POFUT3: variants seen among roughly 807,000 people sequenced by gnomAD.
The protein encoded by POFUT3 is protein O-fucosyltransferase 3, also known as GDP-fucose protein O-fucosyltransferase 3.
chr8:33,440,327 A>G, the POFUT3 span, among the ~76,000 whole-genome samples: 4 of 151,996 alleles, frequency 2.6e-5, no homozygotes, highest in East Asian at 1.9e-4. Flanking sequence ...ATGTCACAGC[A>G]CTCCAGTCTG....
At chr8:33,419,580 C>T in the POFUT3 span, among the ~76,000 whole-genome samples, 1 of 152,312 alleles carries the variant, frequency 6.6e-6, no homozygotes, top group African/African-American at 2.4e-5. Context: ...AGGCCACGGA[C>T]AGGCCCTGAC....
At chr8:33,313,399 G>A in the POFUT3 span, among the ~76,000 whole-genome samples, 3 of 152,100 alleles carry the variant, frequency 2.0e-5, no homozygotes, top group African/African-American at 7.2e-5. Flanking sequence ...ATTTCCATGA[G>A]GCAGCTTCTT....
chr8:33,438,423 T>A, the POFUT3 span, among the ~76,000 whole-genome samples: 1 of 151,974 alleles, frequency 6.6e-6, no homozygotes, highest in African/African-American at 2.4e-5. Flanking sequence ...ACAAAAAAAA[T>A]TAAAAATTAG....
chr8:33,379,979 TCTATATATATAGTATATATATATA>T, the POFUT3 span, among the ~76,000 whole-genome samples: 1 of 89,724 alleles, frequency 1.1e-5, no homozygotes, highest in Non-Finnish European at 2.0e-5. Context: ...ATATATACAC[TCTATATATATAGTATATATATATA>T]CTATATATAT....
chr8:33,453,420 G>A, the POFUT3 span: 2 of 1,613,690 alleles, frequency 1.2e-6, no homozygotes, highest in Non-Finnish European at 1.7e-6. Flanking sequence ...GAATTAAGAT[G>A]CGTAGGTGCT....
At chr8:33,388,093 A>G in the POFUT3 span, among the ~76,000 whole-genome samples, 1 of 152,202 alleles carries the variant, frequency 6.6e-6, no homozygotes, top group Non-Finnish European at 1.5e-5. Flanking sequence ...ACAATTTAAG[A>G]AAGTTTTTAT....
the POFUT3 span, among the ~76,000 whole-genome samples, chr8:33,363,036 A>C: frequency 6.6e-6 from 1 of 152,240 alleles, no homozygotes; most frequent in South Asian, 2.1e-4. Context: ...GCTCCTCAGC[A>C]AATGTAAAAG....
At chr8:33,357,364 C>G in the POFUT3 span, among the ~76,000 whole-genome samples, 1 of 151,952 alleles carries the variant, frequency 6.6e-6, no homozygotes, top group East Asian at 1.9e-4. Context: ...TCTTTTCTAA[C>G]TATTCTAATA....
the POFUT3 span, among the ~76,000 whole-genome samples, chr8:33,392,009 C>T: frequency 1.2e-4 from 18 of 152,142 alleles, no homozygotes; most frequent in Non-Finnish European, 1.5e-5. Flanking sequence ...TGCTCTCCTG[C>T]ATTCATCTGA....
the POFUT3 span, among the ~76,000 whole-genome samples, chr8:33,310,183 T>C: frequency 2.0e-5 from 3 of 152,152 alleles, no homozygotes; most frequent in South Asian, 6.2e-4. Flanking sequence ...TCCTATCTTT[T>C]ACTCCCCAGA....
At chr8:33,416,482 C>T in the POFUT3 span, among the ~76,000 whole-genome samples, 6 of 152,112 alleles carry the variant, frequency 3.9e-5, no homozygotes, top group Non-Finnish European at 7.4e-5. Context: ...GAGGCCAAGG[C>T]GGGAGGATCA....
At chr8:33,423,174 C>T in the POFUT3 span, among the ~76,000 whole-genome samples, 31 of 152,036 alleles carry the variant, frequency 2.0e-4, no homozygotes, top group African/African-American at 7.5e-4. Flanking sequence ...AGCAGAGATC[C>T]TATTCCCTAC....
the POFUT3 span, chr8:33,389,531 A>G: frequency 6.2e-7 from 1 of 1,614,196 alleles, no homozygotes; most frequent in African/African-American, 1.3e-5. Context: ...CTGTACATAC[A>G]CCAGCGGAGC....
the POFUT3 span, among the ~76,000 whole-genome samples, chr8:33,332,070 G>C: frequency 6.6e-6 from 1 of 151,510 alleles, no homozygotes; most frequent in Non-Finnish European, 1.5e-5. Flanking sequence ...GTGGGCCCAG[G>C]AGATAGAGGC....
the POFUT3 span, among the ~76,000 whole-genome samples, chr8:33,377,014 C>T: frequency 7.0e-4 from 107 of 152,144 alleles, no homozygotes; most frequent in African/African-American, 2.4e-3. Flanking sequence ...GGGTGGATCA[C>T]GAGGTCAAGA....
chr8:33,415,938 A>G, the POFUT3 span, among the ~76,000 whole-genome samples: 1 of 152,308 alleles, frequency 6.6e-6, no homozygotes, highest in East Asian at 1.9e-4. Context: ...TTAGTGCCTT[A>G]CTCTAAAATA....
At chr8:33,379,842 AAAAAAT>A in the POFUT3 span, among the ~76,000 whole-genome samples, 1 of 35,632 alleles carries the variant, frequency 2.8e-5, no homozygotes, top group African/African-American at 7.0e-5. Flanking sequence ...TCTAAAAAAA[AAAAAAT>A]ATATATATAT....
At chr8:33,343,164 A>G in the POFUT3 span, among the ~76,000 whole-genome samples, 5 of 151,934 alleles carry the variant, frequency 3.3e-5, no homozygotes, top group Non-Finnish European at 5.9e-5. Context: ...AACCTATATC[A>G]AGTTTAATTT....
the POFUT3 span, among the ~76,000 whole-genome samples, chr8:33,318,645 G>GTATATATATTT: frequency 3.3e-5 from 2 of 60,866 alleles, no homozygotes; most frequent in Non-Finnish European, 5.6e-5. Flanking sequence ...TAAATATATT[G>GTATATATATTT]TATATATATT....
Sources: allele counts gnomAD v4.1 joint callset (sites outside exome capture counted in the v4.1 genomes callset), GRCh38; gene constraint gnomAD v4.1.1; transcripts MANE v1.5; gene names NCBI Gene and HGNC (gene_info 2026-07-23, HGNC 2026-07-21).